Variants in RNF150 observed in about 807,000 individuals in gnomAD.
The protein encoded by RNF150 is ring finger protein 150.
RNF150 carries 24 observed loss-of-function variants against 39.3 expected under a neutral mutation model. The ratio of observed to expected loss-of-function variants is 0.61; its 90% CI spans 0.44 to 0.86. The LOEUF (loss-of-function observed/expected upper bound fraction) is 0.86, where lower values mean the gene tolerates loss of function less well. Ranked by LOEUF, RNF150 falls within the 40% of genes least tolerant of loss-of-function variation. The pLI is 0.00. For missense variants in RNF150, 502 were observed against 587.8 expected, an observed-to-expected ratio of 0.85 and a Z score of 1.51; for synonymous variants, 255 against 227.3, an observed-to-expected ratio of 1.12 and a Z score of -1.10.
intron 1 of RNF150, among the ~76,000 whole-genome samples, chr4:140,988,813 C>T (rs1203037800): frequency 6.6e-6 from 1 of 152,132 alleles, no homozygotes; most frequent in African/African-American, 2.4e-5. Flanking sequence ...CCATGGAATA[C>T]TATGCAGCCA....
intron 1 of RNF150, among the ~76,000 whole-genome samples, chr4:141,112,986 T>A (rs534718945): frequency 6.6e-6 from 1 of 152,088 alleles, no homozygotes; most frequent in Non-Finnish European, 1.5e-5. Context: ...ATCTTCAATT[T>A]CTGATAACCT....
chr4:141,142,877 T>TC (rs1727144118), intron 1 of RNF150, among the ~76,000 whole-genome samples: 1 of 151,338 alleles, frequency 6.6e-6, no homozygotes, highest in East Asian at 1.9e-4. Flanking sequence ...TTTTTCTCTT[T>TC]TTTTTTTTTT....
chr4:140,906,497 G>C (rs987169584), intron 6 of RNF150, among the ~76,000 whole-genome samples: 1 of 152,106 alleles, frequency 6.6e-6, no homozygotes, highest in African/African-American at 2.4e-5. Flanking sequence ...TGGGGGAAAG[G>C]GGGTATCATG....
chr4:141,211,883 G>T (rs953289812), intron 1 of RNF150, among the ~76,000 whole-genome samples: 4 of 152,156 alleles, frequency 2.6e-5, no homozygotes, highest in African/African-American at 4.8e-5. Flanking sequence ...CTCAGGCAGA[G>T]TTGTAATAAT....
intron 1 of RNF150, among the ~76,000 whole-genome samples, chr4:141,079,368 T>C (rs1454607737): frequency 6.6e-6 from 1 of 152,222 alleles, no homozygotes; most frequent in Non-Finnish European, 1.5e-5. Flanking sequence ...TTTTTTCCTT[T>C]TTTATTTTTG....
rs1009159901 is a variant in RNF150 at position 141,132,278 on chromosome 4, C to G, written c.484+47G>C. 1 of 1,547,884 alleles carries G rather than the reference C, an allele frequency of 6.5e-7. No individual in the cohort carries two copies. The highest frequency in any genetic ancestry group is 2.0e-5 in the Admixed American group (1 of 50,808). The stretch of plus-strand genomic sequence containing the variant: ...GCAGGCGCTGGATCCCTCTAGGCAC[C>G]TCCGTCCCCGCCGGCTCCCCTCCCC... On this transcript the variant is annotated intron_variant, in intron 1 of 6. Coordinates refer to ENST00000515673, the MANE Select transcript of RNF150 (RefSeq NM_020724.2). The surrounding 1 kb of genome is among the most constrained non-coding windows in gnomAD (Gnocchi z 4.9).
chr4:141,096,417 C>T (rs907655811), intron 1 of RNF150, among the ~76,000 whole-genome samples: 2 of 151,798 alleles, frequency 1.3e-5, no homozygotes, highest in East Asian at 1.9e-4. Context: ...AGGCTGGTCT[C>T]GAACTCCTGA....
chr4:141,184,406 T>C (rs1727965315), intron 1 of RNF150, among the ~76,000 whole-genome samples: 1 of 152,208 alleles, frequency 6.6e-6, no homozygotes, highest in African/African-American at 2.4e-5. Flanking sequence ...ATATTAGCCC[T>C]TTGTCAGATG....
intron 5 of RNF150, among the ~76,000 whole-genome samples, chr4:140,914,983 C>T (rs1216989697): frequency 6.6e-6 from 1 of 152,084 alleles, no homozygotes; most frequent in Non-Finnish European, 1.5e-5. Context: ...AATAATATGC[C>T]ACATGTATTT....
intron 1 of RNF150, among the ~76,000 whole-genome samples, chr4:141,164,438 C>T (rs1432955569): frequency 6.6e-6 from 1 of 152,076 alleles, no homozygotes; most frequent in Admixed American, 6.5e-5. Flanking sequence ...CATTCAAATT[C>T]AGTAAATACG....
At chr4:140,915,728 G>A (rs1730793213) in intron 5 of RNF150, among the ~76,000 whole-genome samples, 1 of 152,188 alleles carries the variant, frequency 6.6e-6, no homozygotes, top group African/African-American at 2.4e-5. Context: ...CTTGAGATCT[G>A]AGAACGGGCA....
At chr4:141,194,127 T>C (rs1300181661) in intron 1 of RNF150, among the ~76,000 whole-genome samples, 1 of 152,186 alleles carries the variant, frequency 6.6e-6, no homozygotes, top group Admixed American at 6.5e-5. Flanking sequence ...CACAGAAAGT[T>C]AACTGGAATC....
At chr4:140,994,573 T>C (rs1324253487) in intron 1 of RNF150, among the ~76,000 whole-genome samples, 1 of 151,998 alleles carries the variant, frequency 6.6e-6, no homozygotes, top group Admixed American at 6.5e-5. Context: ...TTGTGGTGGC[T>C]CTCTACACAA....
chr4:140,861,239 A>G lies in RNF150; in HGVS notation c.*7022T>C, dbSNP rs1728478437. On this transcript the variant is annotated 3_prime_UTR_variant, in exon 7 of 7. Transcript: ENST00000515673. ...ATTTCACAAGAATAAAGTTGAGATA[A>G]CTTACAAAAACAAGCAGTCCCTTGC... 1 of 152,216 alleles carries G rather than the reference A, an allele frequency of 6.6e-6. No individual in the cohort carries two copies. The highest frequency in any genetic ancestry group is 1.5e-5 in the Non-Finnish European group (1 of 68,044). The allele number at this position is 152,216 out of a possible 1,614,324, so 9.4% of individuals were successfully genotyped here.
intron 1 of RNF150, among the ~76,000 whole-genome samples, chr4:141,123,703 C>T (rs950549274): frequency 2.6e-5 from 4 of 152,162 alleles, no homozygotes; most frequent in African/African-American, 4.8e-5. Context: ...CCTCCCCCAC[C>T]GCCCAACCCC....
At chr4:140,968,506 A>C (rs1217669471) in intron 1 of RNF150, among the ~76,000 whole-genome samples, 2 of 151,892 alleles carry the variant, frequency 1.3e-5, no homozygotes, top group African/African-American at 4.8e-5. Flanking sequence ...AATTCAATGG[A>C]AACAGCATGT....
At chr4:141,113,489 C>T (rs1739457043) in intron 1 of RNF150, among the ~76,000 whole-genome samples, 1 of 152,080 alleles carries the variant, frequency 6.6e-6, no homozygotes, top group Non-Finnish European at 1.5e-5. Context: ...TATATATGCA[C>T]CCATTACAGG....
chr4:140,869,722 C>T (rs1393090833), intron 6 of RNF150, among the ~76,000 whole-genome samples: 1 of 152,082 alleles, frequency 6.6e-6, no homozygotes, highest in Non-Finnish European at 1.5e-5. Flanking sequence ...TGTATTATAG[C>T]CAGATGAATA....
At chr4:140,966,922 G>A (rs1194070532) in intron 2 of RNF150, among the ~76,000 whole-genome samples, 2 of 152,128 alleles carry the variant, frequency 1.3e-5, no homozygotes, top group African/African-American at 4.8e-5. Flanking sequence ...AATAGGTGCT[G>A]GTTAAATAGA....
Sources: gnomAD v4.1 joint callset for allele counts (sites outside exome capture counted in the v4.1 genomes callset) on GRCh38, gnomAD v4.1.1 for gene constraint, Gnocchi (gnomAD v3.1) non-coding constraint, MANE v1.5 for transcripts, NCBI Gene and HGNC (gene_info 2026-07-23, HGNC 2026-07-21) for gene names.